The following SATB1 variants were observed in gnomAD, a reference collection of about 807,000 sequenced individuals.
SATB1 encodes SATB homeobox 1, also known as DNA-binding protein SATB1.
In SATB1, 11 loss-of-function variants were observed where a neutral mutation model predicts 86.9. The observed-to-expected ratio is 0.13, with a 90% CI of 0.08 to 0.21. SATB1 has a LOEUF of 0.21. Ranked by LOEUF, SATB1 falls within the 10% of genes least tolerant of loss-of-function variation. The pLI is 1.00. For synonymous variants in SATB1, 357 were observed against 357.2 expected, an observed-to-expected ratio of 1.00 and a Z score of 0.01; for missense variants, 551 against 937.6, an observed-to-expected ratio of 0.59 and a Z score of 5.39.
At chr3:18,410,778 C>A in intron 5 of SATB1, 1 of 307,904 alleles carries the variant, frequency 3.2e-6, no homozygotes, top group Non-Finnish European at 5.8e-6. Flanking sequence ...TTTTAAGAAA[C>A]ATGTCATTCC....
At chr3:18,433,114 T>C (rs963833312) in intron 2 of SATB1, among the ~76,000 whole-genome samples, 3 of 152,214 alleles carry the variant, frequency 2.0e-5, no homozygotes, top group Non-Finnish European at 4.4e-5. Flanking sequence ...TTTTAAGGTT[T>C]TATTCAATAC....
intron 5 of SATB1, chr3:18,411,061 A>T (rs556180556): frequency 2.0e-4 from 78 of 393,154 alleles, no homozygotes; most frequent in Non-Finnish European, 3.3e-4. Flanking sequence ...GATGCTGTGA[A>T]TAAAAGGAAA....
chr3:18,354,632 G>A (rs951543393), intron 9 of SATB1, among the ~76,000 whole-genome samples: 1 of 152,052 alleles, frequency 6.6e-6, no homozygotes, highest in African/African-American at 2.4e-5. Context: ...CTTGGAGAGA[G>A]CTGAAAAACT....
intron 9 of SATB1, among the ~76,000 whole-genome samples, chr3:18,357,164 G>A (rs575408018): frequency 3.3e-5 from 5 of 151,836 alleles, no homozygotes; most frequent in African/African-American, 1.2e-4. Flanking sequence ...CATCTTTTAT[G>A]TGTTATTTGC....
At chr3:18,408,495 G>A (rs1400079782) in intron 5 of SATB1, among the ~76,000 whole-genome samples, 1 of 151,928 alleles carries the variant, frequency 6.6e-6, no homozygotes, top group African/African-American at 2.4e-5. Flanking sequence ...AGATTTAAAA[G>A]TCCCAACAGC....
In SATB1 at chr3:18,444,049, C is replaced by T. The variant is rs1399831948; in HGVS notation, c.-25+1469G>A. ...CCAGGCCCCTCTTCGCCGATGCTTA[C>T]AATCAGCCGCGCAGGCAGGGAGCGG... On this transcript the variant is annotated intron_variant, in intron 1 of 3. Coordinates refer to the SATB1 transcript ENST00000415069. The surrounding 1 kb of genome is among the most constrained non-coding windows in gnomAD (Gnocchi z 5.1). 6.6e-6 allele frequency among the ~76,000 whole-genome samples: 1 copy of T among 152,144 alleles called. No individual in the cohort carries two copies. The highest frequency in any genetic ancestry group is 2.1e-4 in the South Asian group (1 of 4,824).
chr3:18,354,260 C>T (rs1559390870), intron 9 of SATB1, among the ~76,000 whole-genome samples: 1 of 152,128 alleles, frequency 6.6e-6, no homozygotes, highest in Non-Finnish European at 1.5e-5. Context: ...CTAAGCTATT[C>T]TTTATACTTT....
intron 8 of SATB1, among the ~76,000 whole-genome samples, chr3:18,380,382 G>A (rs1393197783): frequency 2.0e-5 from 3 of 151,718 alleles, no homozygotes; most frequent in Middle Eastern, 3.4e-3. Flanking sequence ...TTTGAGGTGC[G>A]CTATAATCAT....
rs1456778545 is a variant in SATB1 at position 18,349,665 on chromosome 3, C to CTGT, written c.1794_1796dup (p.Gln607dup). 6.2e-7 allele frequency: 1 copy of CTGT among 1,607,056 alleles called. No individual in the cohort carries two copies. Reference sequence around the variant, plus strand: ...CCTGCTGCTGCTGCTGCTGCTGTTGCTGTTGCTGCTGCTGTTGCTGCAAAG... The same window carrying CTGT: ...CCTGCTGCTGCTGCTGCTGCTGTTGCTGTTGTTGCTGCTGCTGTTGCTGCAAAG... On this transcript the variant is annotated inframe_insertion, in exon 11 of 11. Coordinates refer to ENST00000338745, the MANE Select transcript of SATB1 (RefSeq NM_002971.6). The surrounding 1 kb of genome is among the most constrained non-coding windows in gnomAD (Gnocchi z 5.5).
At chr3:18,359,416 T>G (rs1455046720) in intron 9 of SATB1, among the ~76,000 whole-genome samples, 1 of 151,928 alleles carries the variant, frequency 6.6e-6, no homozygotes, top group Admixed American at 6.6e-5. Flanking sequence ...AGTATAAAAT[T>G]CTAGACAACC....
intron 5 of SATB1, among the ~76,000 whole-genome samples, chr3:18,402,571 A>G (rs1007963980): frequency 7.2e-5 from 11 of 152,174 alleles, no homozygotes; most frequent in Non-Finnish European, 1.3e-4. Context: ...TTTAAAGGGT[A>G]ATTGGAGTGC....
At chr3:18,400,776 G>A (rs1336995635) in intron 5 of SATB1, among the ~76,000 whole-genome samples, 1 of 152,116 alleles carries the variant, frequency 6.6e-6, no homozygotes, top group East Asian at 1.9e-4. Flanking sequence ...TATGTTTTGA[G>A]TATCAGATAA....
At chr3:18,423,177 G>A in intron 1 of SATB1, among the ~76,000 whole-genome samples, 1 of 152,196 alleles carries the variant, frequency 6.6e-6, no homozygotes. Context: ...ATGCCAGGCT[G>A]AAGAGTTTCT....
chr3:18,421,964 A>T (rs1035419773), intron 1 of SATB1, among the ~76,000 whole-genome samples: 1 of 152,070 alleles, frequency 6.6e-6, no homozygotes, highest in African/African-American at 2.4e-5. Flanking sequence ...AAAAAAATTA[A>T]CAGATAATTA....
upstream of SATB1, among the ~76,000 whole-genome samples, chr3:18,429,294 A>G (rs1474315403): frequency 6.6e-6 from 1 of 152,234 alleles, no homozygotes; most frequent in Non-Finnish European, 1.5e-5. The surrounding 1 kb of genome is among the most constrained non-coding windows in gnomAD (Gnocchi z 4.1). Flanking sequence ...TACCAATTTG[A>G]AAGAGCAGGG....
chr3:18,400,675 A>G (rs1257654556), intron 5 of SATB1, among the ~76,000 whole-genome samples: 1 of 152,196 alleles, frequency 6.6e-6, no homozygotes, highest in Non-Finnish European at 1.5e-5. Flanking sequence ...TATTACATAT[A>G]GACTGAAGAG....
intron 6 of SATB1, among the ~76,000 whole-genome samples, chr3:18,395,251 A>T (rs1446398050): frequency 1.3e-5 from 2 of 152,246 alleles, no homozygotes; most frequent in Non-Finnish European, 2.9e-5. Context: ...AACAATTTTT[A>T]AAAATGGCTT....
chr3:18,443,279 T>C (rs1287338158), upstream of SATB1, among the ~76,000 whole-genome samples: 1 of 152,254 alleles, frequency 6.6e-6, no homozygotes, highest in Admixed American at 6.5e-5. The surrounding 1 kb of genome is among the most constrained non-coding windows in gnomAD (Gnocchi z 4.4). Context: ...TCAGGTCCCC[T>C]GGCCTCCAAG....
chr3:18,412,280 G>A (rs1449891983), intron 5 of SATB1, among the ~76,000 whole-genome samples: 2 of 152,074 alleles, frequency 1.3e-5, no homozygotes, highest in Non-Finnish European at 2.9e-5. Flanking sequence ...AAGTCCAAAT[G>A]GACATTTGCT....
Sources: gnomAD v4.1 joint callset for allele counts (sites outside exome capture counted in the v4.1 genomes callset) on GRCh38, gnomAD v4.1.1 for gene constraint, Gnocchi (gnomAD v3.1) non-coding constraint, MANE v1.5 for transcripts, NCBI Gene and HGNC (gene_info 2026-07-23, HGNC 2026-07-21) for gene names.